The following SYNE1 variants were observed in gnomAD, a reference collection of about 807,000 sequenced individuals.
SYNE1 encodes the protein spectrin repeat containing nuclear envelope protein 1.
Under a neutral mutation model 1,111.0 loss-of-function variants are expected in SYNE1, and 616 were observed. The ratio of observed to expected loss-of-function variants is 0.55; its 90% CI spans 0.52 to 0.59. The LOEUF (loss-of-function observed/expected upper bound fraction) is 0.59. Ranked by LOEUF, SYNE1 falls within the 20% of genes least tolerant of loss-of-function variation. The pLI, the probability that SYNE1 is intolerant of heterozygous loss-of-function variation, is 0.00. For synonymous variants in SYNE1, 3,855 were observed against 3,825.8 expected (o/e 1.01, Z -0.28); for missense variants, 10,006 against 10,417.0 (o/e 0.96, Z 1.72).
At chr6:152,468,868 A>C (rs1224293250) in intron 16 of SYNE1, among the ~76,000 whole-genome samples, 1 of 152,110 alleles carries the variant, frequency 6.6e-6, no homozygotes, top group Non-Finnish European at 1.5e-5. Context: ...CGTGAACTCC[A>C]GGGCTCAAGC....
chr6:152,125,739 T>C (rs1453238792), intron 145 of SYNE1: 1 of 165,210 alleles, frequency 6.1e-6, no homozygotes, highest in Non-Finnish European at 1.3e-5. Flanking sequence ...AAGATTTACA[T>C]ATATAATTGA....
intron 3 of SYNE1, among the ~76,000 whole-genome samples, chr6:152,542,443 A>T (rs1441010813): frequency 6.6e-6 from 1 of 152,194 alleles, no homozygotes; most frequent in East Asian, 1.9e-4. Flanking sequence ...AGGCACTGAC[A>T]TTTAGATAAA....
At chr6:152,594,753 C>A (rs772849650) in intron 3 of SYNE1, among the ~76,000 whole-genome samples, 36 of 152,310 alleles carry the variant, frequency 2.4e-4, no homozygotes, top group Middle Eastern at 3.4e-3. Flanking sequence ...CTGAGTCAGT[C>A]TCCACCTCCT....
At chr6:152,139,404 C>T (rs767754174) in intron 140 of SYNE1, among the ~76,000 whole-genome samples, 1 of 151,550 alleles carries the variant, frequency 6.6e-6, no homozygotes, top group East Asian at 2.0e-4. Flanking sequence ...AACCCCATCT[C>T]TACTAAAAAT....
chr6:152,565,519 T>C (rs115712428), intron 3 of SYNE1, among the ~76,000 whole-genome samples: 3 of 152,172 alleles, frequency 2.0e-5, no homozygotes, highest in Non-Finnish European at 4.4e-5. Flanking sequence ...GACGACCCAA[T>C]ACCCATATAT....
chr6:152,208,270 C>T (rs1379003476), intron 124 of SYNE1, 64 bp from the exon 125 acceptor site: 5 of 1,415,760 alleles, frequency 3.5e-6, no homozygotes, highest in Non-Finnish European at 3.0e-6. Context: ...ACGCAATCAG[C>T]CAATGTATAC....
chr6:152,386,931 T>G, intron 54 of SYNE1, 141 bp downstream of exon 54: 1 of 681,624 alleles, frequency 1.5e-6, no homozygotes, highest in Non-Finnish European at 2.3e-6. Flanking sequence ...ACAAATAGTT[T>G]TAGAGCAGCC....
In SYNE1 at chr6:152,502,731, C is replaced by G. The variant is rs1280668749; in HGVS notation, c.790G>C (p.Asp264His). 1 of 1,611,820 alleles carries G rather than the reference C, an allele frequency of 6.2e-7. No homozygotes were observed. Among genetic ancestry groups the G allele is most frequent in the Non-Finnish European group, 8.5e-7 (1 of 1,178,142 alleles). Residue 264 changes from aspartate (D) to histidine (H), a missense_variant, in exon 10 of 146, where the codon GAT becomes CAT. Around this residue, in one of 7 missense-constraint regions of SYNE1, gnomAD observed 1,971 missense variants for 2,084.1 expected, o/e 0.95. Transcript: ENST00000367255. The stretch of plus-strand genomic sequence containing the variant: ...ATAATAGATTTCTCATCTGGTTTAT[C>G]CACATCAACGTCTGAAAAAACAAAA... ...RLLDPEDVDV[D>H]KPDEKSIMTY...
Position 152,330,473 on chromosome 6 carries a change from CT to C in SYNE1, c.14211del (p.Glu4738LysfsTer25). The C allele has an allele frequency of 6.2e-7, 1 of 1,614,148 alleles. No individual in the cohort carries two copies. Among genetic ancestry groups the C allele is most frequent in the South Asian group, 1.1e-5 (1 of 91,080 alleles). ...GGCTGACCTGTGCTGCGAAAACCTT[CT>C]TTTTTCTGGTTCAGTTCATCCACCG... is the stretch of plus-strand genomic sequence containing the variant. ...GEAVDELNQK[K>X]EGFRSTGQPW... is the part of the protein sequence containing the mutation. On this transcript the variant is annotated frameshift_variant, in exon 78 of 146. Coordinates refer to ENST00000367255, the MANE Select transcript of SYNE1 (RefSeq NM_182961.4). LOFTEE classifies it high-confidence loss of function.
At chr6:152,237,885 T>C (rs1268316834) in intron 108 of SYNE1, among the ~76,000 whole-genome samples, 1 of 152,178 alleles carries the variant, frequency 6.6e-6, no homozygotes, top group Non-Finnish European at 1.5e-5. Flanking sequence ...GGGTCAGCAG[T>C]TTCTCAGTGT....
At chr6:152,235,482 C>T (rs912258609) in intron 110 of SYNE1, among the ~76,000 whole-genome samples, 10 of 152,094 alleles carry the variant, frequency 6.6e-5, no homozygotes, top group Non-Finnish European at 1.5e-4. Context: ...CTGCCTCAGC[C>T]TCCTGAGCAG....
intron 97 of SYNE1, among the ~76,000 whole-genome samples, chr6:152,279,056 C>T (rs1389705655): frequency 2.6e-5 from 4 of 151,786 alleles, no homozygotes; most frequent in African/African-American, 9.7e-5. Context: ...CAGGTGTGAG[C>T]CACTGTGTCT....
rs777870478 is a variant in SYNE1, at chr6:152,441,122, T to C, written c.4149+8A>G. 3.2e-5 allele frequency: 51 copies of C among 1,613,196 alleles called. No individual in the cohort carries two copies. The highest frequency in any genetic ancestry group is 5.5e-5 in the South Asian group (5 of 91,042). On this transcript the variant is annotated splice_region_variant and intron_variant, in intron 32 of 145. Coordinates refer to ENST00000367255, the MANE Select transcript of SYNE1 (RefSeq NM_182961.4). ...CTGAATATTGGGTACCAAGGAGCCA[T>C]AATATACCTTTGTTTGTTCCAGTTC...
At position 152,413,377 on chromosome 6, in the gene SYNE1, C is replaced by T. The variant is rs1379276899; in HGVS notation, c.6205G>A (p.Asp2069Asn). Residue 2069 changes from aspartate to asparagine, a missense_variant, in exon 42 of 146, where the codon GAT (aspartate) becomes AAT (asparagine). Around this residue, in one of 7 missense-constraint regions of SYNE1, gnomAD observed 4,955 missense variants for 5,017.2 expected, o/e 0.99. Coordinates refer to ENST00000367255, the MANE Select transcript of SYNE1 (RefSeq NM_182961.4). The stretch of plus-strand genomic sequence containing the variant: ...TTTTCATGAATTAGTCTTTTGGTAT[C>T]ATCCCAGGTGACCTCTAAGCGGTTT... ...EINRLEVTWD[D>N]TKRLIHENQG... is the part of the protein sequence containing the mutation. 6.2e-7 allele frequency: 1 copy of T among 1,614,128 alleles called. No homozygotes were observed. Among genetic ancestry groups the T allele is most frequent in the Admixed American group, 1.7e-5 (1 of 60,022 alleles).
chr6:152,434,968 GCTATT>G (rs1277171182), intron 33 of SYNE1: 3 of 152,138 alleles, frequency 2.0e-5, no homozygotes, highest in Non-Finnish European at 2.9e-5. Flanking sequence ...GGTTAAAATG[GCTATT>G]CTTAATAGAA....
intron 14 of SYNE1, chr6:152,481,577 T>C: frequency 2.2e-6 from 1 of 453,062 alleles, no homozygotes; most frequent in Admixed American, 2.4e-5. Context: ...AATAAACAAA[T>C]GCCAGTTAAG....
In SYNE1 at chr6:152,505,264, A is replaced by G. The variant is rs146600395; in HGVS notation, c.715T>C (p.Leu239=). The change falls in exon 9 of 146, where the codon TTG becomes CTG. Residue 239 remains leucine (L), a synonymous_variant. Coordinates refer to ENST00000367255, the MANE Select transcript of SYNE1 (RefSeq NM_182961.4). ...TVKGRSNREN[L]EDAFTIAETE... is the part of the protein sequence containing the mutation. ...TCGGCGATAGTGAAAGCATCCTCCA[A>G]ATTTTCTCGGTTGGATCTGCCTTTC... is the stretch of plus-strand genomic sequence containing the variant. The G allele has an allele frequency of 5.0e-6, 8 of 1,613,712 alleles. No individual in the cohort carries two copies. Among genetic ancestry groups the G allele is most frequent in the Non-Finnish European group, 6.8e-6 (8 of 1,179,896 alleles).
intron 3 of SYNE1, among the ~76,000 whole-genome samples, chr6:152,550,557 T>C (rs1388269310): frequency 6.6e-6 from 1 of 151,002 alleles, no homozygotes; most frequent in Non-Finnish European, 1.5e-5. Context: ...ATCTCGTATG[T>C]ATGGGGGTGT....
intron 3 of SYNE1, among the ~76,000 whole-genome samples, chr6:152,596,949 T>C (rs574524965): frequency 1.1e-4 from 17 of 152,284 alleles, no homozygotes; most frequent in South Asian, 4.1e-4. Flanking sequence ...GCCAGGAACA[T>C]GAGGGCCTCC....
Sources: gnomAD v4.1 joint callset for allele counts (sites outside exome capture counted in the v4.1 genomes callset) on GRCh38, gnomAD v4.1.1 for gene constraint, gnomAD v4.1.1 regional missense constraint, MANE v1.5 for transcripts, NCBI Gene and HGNC (gene_info 2026-07-23, HGNC 2026-07-21) for gene names.